ADARB2: variants seen among roughly 807,000 people sequenced by gnomAD.
ADARB2 encodes inactive double-stranded RNA-specific editase B2.
Under a neutral mutation model 62.2 loss-of-function variants are expected in ADARB2, and 25 were observed. The observed-to-expected ratio is 0.40, with a 90% confidence interval of 0.29 to 0.56. ADARB2 has a LOEUF of 0.56. ADARB2 is among the 20% of genes least tolerant of loss of function. The pLI, the probability that ADARB2 is intolerant of heterozygous loss-of-function variation, is 0.43. For missense variants in ADARB2, 1,071 were observed against 1,077.4 expected, an observed-to-expected ratio of 0.99 and a Z score of 0.08; for synonymous variants, 572 against 500.8, an observed-to-expected ratio of 1.14 and a Z score of -1.90.
chr10:1,376,289 C>G (rs1430534040), intron 2 of ADARB2, among the ~76,000 whole-genome samples: 1 of 152,246 alleles, frequency 6.6e-6, no homozygotes, highest in East Asian at 1.9e-4. Context: ...GAAAATGAGA[C>G]TCCTCAAGCA....
intron 4 of ADARB2, among the ~76,000 whole-genome samples, chr10:1,263,179 C>T (rs1420188966): frequency 6.6e-6 from 1 of 151,206 alleles, no homozygotes; most frequent in South Asian, 2.1e-4. Flanking sequence ...ATACCTAATG[C>T]TAAATGATGA....
At chr10:1,623,857 A>G (rs1313405971) in intron 1 of ADARB2, among the ~76,000 whole-genome samples, 1 of 152,204 alleles carries the variant, frequency 6.6e-6, no homozygotes, top group African/African-American at 2.4e-5. Flanking sequence ...CACTATTATT[A>G]TCATCATTTG....
chr10:1,182,985 T>G lies in ADARB2; in HGVS notation c.*208A>C. On this transcript the variant is annotated 3_prime_UTR_variant, in exon 10 of 10. Coordinates refer to ENST00000381312, the MANE Select transcript of ADARB2 (RefSeq NM_018702.4). ...TCAACAGTGCATGTGCCCCTGGGTG[T>G]GGGGGACAGGGTTCTGGGGCCAGCG... 1.7e-6 allele frequency: 1 copy of G among 595,750 alleles called. No homozygotes were observed. The highest frequency in any genetic ancestry group is 2.9e-6 in the Non-Finnish European group (1 of 342,600). 36.9% of individuals were successfully genotyped at this position (595,750 alleles called of 1,614,324 possible). A position where few individuals can be genotyped will look rare whatever the true frequency, so the allele number is the denominator to read the frequency against.
intron 2 of ADARB2, among the ~76,000 whole-genome samples, chr10:1,378,338 C>T (rs898626156): frequency 2.6e-5 from 4 of 152,128 alleles, no homozygotes; most frequent in Non-Finnish European, 5.9e-5. Context: ...CCAGCCCTTT[C>T]CTTGTTAAAT....
At chr10:1,583,056 T>C (rs956507340) in intron 1 of ADARB2, among the ~76,000 whole-genome samples, 9 of 152,338 alleles carry the variant, frequency 5.9e-5, no homozygotes, top group African/African-American at 2.2e-4. Flanking sequence ...TCCTGGTGAC[T>C]GCGATTTCAT....
intron 3 of ADARB2, among the ~76,000 whole-genome samples, chr10:1,341,805 A>T (rs1264478470): frequency 6.6e-6 from 1 of 152,016 alleles, no homozygotes; most frequent in African/African-American, 2.4e-5. Context: ...CCAGAGAACC[A>T]CGTGCCCCAA....
intron 1 of ADARB2, among the ~76,000 whole-genome samples, chr10:1,470,069 T>C (rs556141816): frequency 3.3e-5 from 5 of 152,244 alleles, no homozygotes; most frequent in Admixed American, 3.3e-4. Flanking sequence ...TGGAGCGACC[T>C]TCCAAGGTCA....
At chr10:1,556,537 C>A in intron 1 of ADARB2, 1 of 392,284 alleles carries the variant, frequency 2.5e-6, no homozygotes, top group Non-Finnish European at 5.3e-6. Flanking sequence ...CACCTGGGAT[C>A]TTATTAACTG....
intron 4 of ADARB2, among the ~76,000 whole-genome samples, chr10:1,259,978 A>T (rs576233467): frequency 6.6e-6 from 1 of 152,360 alleles, no homozygotes; most frequent in South Asian, 2.1e-4. Context: ...CATCCCTGGG[A>T]TGCAAGGCTG....
chr10:1,518,310 C>T (rs375325147), intron 1 of ADARB2, among the ~76,000 whole-genome samples: 4 of 152,332 alleles, frequency 2.6e-5, no homozygotes, highest in African/African-American at 9.6e-5. Context: ...ATGACCTGTT[C>T]AATTCCCACA....
chr10:1,225,732 G>T (rs56155307), intron 6 of ADARB2, among the ~76,000 whole-genome samples: 2 of 139,368 alleles, frequency 1.4e-5, no homozygotes, highest in Non-Finnish European at 3.3e-5. Flanking sequence ...AATGTCGAAT[G>T]TTGGTCCCCA....
intron 8 of ADARB2, among the ~76,000 whole-genome samples, chr10:1,190,626 G>C (rs559156651): frequency 2.6e-5 from 4 of 152,236 alleles, no homozygotes; most frequent in Admixed American, 2.0e-4. Flanking sequence ...GACTCTCCCA[G>C]CCTCTGCTCA....
At chr10:1,495,597 C>A (rs1041729572) in intron 1 of ADARB2, among the ~76,000 whole-genome samples, 1 of 71,820 alleles carries the variant, frequency 1.4e-5, no homozygotes, top group Non-Finnish European at 3.7e-5. Context: ...AGGTGGTAAG[C>A]TTTAGAGGAG....
At chr10:1,208,868 T>C (rs1051957741) in intron 7 of ADARB2, among the ~76,000 whole-genome samples, 2 of 152,202 alleles carry the variant, frequency 1.3e-5, no homozygotes, top group Non-Finnish European at 2.9e-5. Context: ...GAAGAGGGGC[T>C]TCTGAGCAGG....
At chr10:1,692,281 T>C (rs549118545) in intron 1 of ADARB2, among the ~76,000 whole-genome samples, 1 of 152,336 alleles carries the variant, frequency 6.6e-6, no homozygotes, top group South Asian at 2.1e-4. Flanking sequence ...TGGTTTAATT[T>C]GTGCAGGAGT....
At chr10:1,219,840 A>ATGG (rs202168070) in intron 6 of ADARB2, among the ~76,000 whole-genome samples, 2 of 114,984 alleles carry the variant, frequency 1.7e-5, no homozygotes, top group East Asian at 4.5e-4. Flanking sequence ...GGTGGTGATG[A>ATGG]TGATGGTGAT....
intron 1 of ADARB2, among the ~76,000 whole-genome samples, chr10:1,456,009 A>G (rs1831091083): frequency 6.6e-6 from 1 of 152,238 alleles, no homozygotes; most frequent in African/African-American, 2.4e-5. Context: ...AGTTTCACTT[A>G]TAATAGCACA....
intron 1 of ADARB2, chr10:1,556,511 T>C (rs1832705966): frequency 5.4e-6 from 2 of 373,812 alleles, no homozygotes; most frequent in African/African-American, 2.1e-5. Flanking sequence ...TCGCAAACTT[T>C]GCTGTGCATT....
rs556778590 is a variant in ADARB2 at position 1,452,956 on chromosome 10, G to A, written c.101-73796C>T. On this transcript the variant is annotated intron_variant, in intron 1 of 9. Transcript: ENST00000381312. ...GTCACAATGCATCCTGGTGGGCCGC[G>A]CAGAGCCTGGGCCTCAGTGGGGTTG... Among the ~76,000 whole-genome samples the A allele has an allele frequency of 3.9e-5, 6 of 152,288 alleles. No homozygotes were observed. In the East Asian group the frequency reaches 7.7e-4, roughly 20 times the overall value.
Sources: allele counts gnomAD v4.1 joint callset (sites outside exome capture counted in the v4.1 genomes callset), GRCh38; gene constraint gnomAD v4.1.1; transcripts MANE v1.5; gene names NCBI Gene and HGNC (gene_info 2026-07-23, HGNC 2026-07-21).